KLF13: variants seen among roughly 807,000 people sequenced by gnomAD.
KLF13 encodes Krueppel-like factor 13.
KLF13 carries 8 observed loss-of-function variants against 16.7 expected under a neutral mutation model. The observed-to-expected ratio is 0.48, with a 90% confidence interval of 0.28 to 0.87. The LOEUF (loss-of-function observed/expected upper bound fraction) is 0.87. Ranked by LOEUF, KLF13 falls within the 40% of genes least tolerant of loss-of-function variation. The pLI is 0.10. For missense variants in KLF13, 447 were observed against 452.2 expected, an observed-to-expected ratio of 0.99 and a Z score of 0.10; for synonymous variants, 245 against 208.4, an observed-to-expected ratio of 1.18 and a Z score of -1.51.
At chr15:31,384,427 C>T (rs1389353066) in intron 1 of KLF13, among the ~76,000 whole-genome samples, 4 of 152,182 alleles carry the variant, frequency 2.6e-5, no homozygotes, top group Non-Finnish European at 5.9e-5. Context: ...GAGGCTCCTT[C>T]TCAAAAACAT....
chr15:31,384,676 G>A (rs976043577), intron 1 of KLF13, among the ~76,000 whole-genome samples: 6 of 152,140 alleles, frequency 3.9e-5, no homozygotes, highest in African/African-American at 7.2e-5. Context: ...ATTCATGAGC[G>A]TACTTTTGGA....
chr15:31,335,475 GTATGGTGGC>G (rs2038915387), intron 1 of KLF13, among the ~76,000 whole-genome samples: 1 of 22,742 alleles, frequency 4.4e-5, no homozygotes, highest in East Asian at 1.9e-3. Context: ...GTGTGTGTGT[GTATGGTGGC>G]GGGGCAGGGG....
chr15:31,327,363 G>C lies in KLF13; in HGVS notation c.151G>C (p.Glu51Gln), dbSNP rs2038730199. The change falls in exon 1 of 2, where the codon GAG becomes CAG. Residue 51 changes from glutamate (E) to glutamine (Q), a missense_variant. Physicochemically the swap from Glu to Gln is conservative, Grantham distance 29 (BLOSUM62 2). Coordinates refer to ENST00000307145, the MANE Select transcript of KLF13 (RefSeq NM_015995.4). ...AATPTLPRVE[E>Q]RRDGKDSASL... Reference sequence around the variant, plus strand: ...CACCCCCACGCTGCCCCGCGTCGAGGAGCGCCGCGACGGTAAGGACAGCGC... The same window carrying C: ...CACCCCCACGCTGCCCCGCGTCGAGCAGCGCCGCGACGGTAAGGACAGCGC... 2.3e-6 allele frequency: 3 copies of C among 1,285,456 alleles called. No individual in the cohort carries two copies. Among genetic ancestry groups the C allele is most frequent in the African/African-American group, 1.6e-5 (1 of 63,708 alleles). The allele number at this position is 1,285,456 out of a possible 1,614,324, so 79.6% of individuals were successfully genotyped here.
chr15:31,338,424 A>G (rs1323273233), intron 1 of KLF13, among the ~76,000 whole-genome samples: 4 of 152,224 alleles, frequency 2.6e-5, no homozygotes, highest in Non-Finnish European at 5.9e-5. Context: ...CAATCGTTCC[A>G]CTGGAAGTAA....
chr15:31,416,387 A>C (rs2040258223), intron 1 of KLF13, among the ~76,000 whole-genome samples: 1 of 152,190 alleles, frequency 6.6e-6, no homozygotes. Flanking sequence ...AGATATAAAA[A>C]ATTCTAAACA....
chr15:31,343,100 A>T (rs1333100195), intron 1 of KLF13, among the ~76,000 whole-genome samples: 1 of 152,218 alleles, frequency 6.6e-6, no homozygotes, highest in Non-Finnish European at 1.5e-5. Context: ...GCCGAGGCAC[A>T]TACTGTCTCC....
chr15:31,374,167 C>T lies in KLF13; in HGVS notation c.*1868C>T, dbSNP rs1413342199. 6.5e-6 allele frequency: 1 copy of T among 152,706 alleles called. No homozygotes were observed. Among genetic ancestry groups the T allele is most frequent in the East Asian group, 1.9e-4 (1 of 5,200 alleles). 9.5% of individuals were successfully genotyped at this position (152,706 alleles called of 1,614,324 possible). ...AGAGTGGACAGGTACGCTCTGTCCACAGCAGCTGCTCAGGCACAGTATGCC... is the reference window on the plus strand; with the variant it reads ...AGAGTGGACAGGTACGCTCTGTCCATAGCAGCTGCTCAGGCACAGTATGCC... On this transcript the variant is annotated 3_prime_UTR_variant, in exon 2 of 2. Transcript: ENST00000307145.
chr15:31,381,880 C>T (rs115521845), downstream of KLF13, among the ~76,000 whole-genome samples: 636 of 152,334 alleles, frequency 4.2e-3, 7 homozygotes, highest in African/African-American at 0.014. Flanking sequence ...CCTGCTGCTG[C>T]CTGCACAGCC....
At chr15:31,370,932 G>C (rs1052231895) in intron 1 of KLF13, among the ~76,000 whole-genome samples, 2 of 152,002 alleles carry the variant, frequency 1.3e-5, no homozygotes, top group African/African-American at 4.8e-5. Flanking sequence ...GCCATCCCTG[G>C]GTATCTGCTT....
intron 1 of KLF13, among the ~76,000 whole-genome samples, chr15:31,350,051 T>G (rs1362249370): frequency 2.6e-5 from 4 of 152,266 alleles, no homozygotes; most frequent in Non-Finnish European, 5.9e-5. Context: ...TGAGATGATG[T>G]GCTTTTCTCC....
chr15:31,357,638 G>A (rs2039320403), intron 1 of KLF13, among the ~76,000 whole-genome samples: 1 of 152,198 alleles, frequency 6.6e-6, no homozygotes, highest in African/African-American at 2.4e-5. Context: ...GCCCTACTCT[G>A]AGCTGGGTCT....
chr15:31,336,307 A>G (rs920531221), intron 1 of KLF13, among the ~76,000 whole-genome samples: 7 of 152,192 alleles, frequency 4.6e-5, no homozygotes, highest in Admixed American at 3.9e-4. Flanking sequence ...CCCAAGACCT[A>G]TGGCCACTGG....
chr15:31,348,380 G>A (rs1209614409), intron 1 of KLF13, among the ~76,000 whole-genome samples: 2 of 152,168 alleles, frequency 1.3e-5, no homozygotes, highest in Non-Finnish European at 2.9e-5. Flanking sequence ...AGGCACACAC[G>A]CACGCCGCAC....
downstream of KLF13, among the ~76,000 whole-genome samples, chr15:31,381,520 C>T (rs1309315383): frequency 1.3e-5 from 2 of 152,126 alleles, no homozygotes; most frequent in East Asian, 1.9e-4. Flanking sequence ...TCAGGCTGCC[C>T]CCAACCCTGA....
At chr15:31,434,489 G>A (rs2040507070) in intron 1 of KLF13, among the ~76,000 whole-genome samples, 1 of 152,126 alleles carries the variant, frequency 6.6e-6, no homozygotes, top group Non-Finnish European at 1.5e-5. Flanking sequence ...GTTGGGGTGT[G>A]GAAAGGCTTG....
Position 31,372,432 on chromosome 15 carries a change from A to C in KLF13, c.*133A>C. ...CAATTTTTTTCACCTCAGGTGTCAA[A>C]GTAAATTTGTTAAAAAAACAAAAAA... On this transcript the variant is annotated 3_prime_UTR_variant, in exon 2 of 2. Coordinates refer to ENST00000307145, the MANE Select transcript of KLF13 (RefSeq NM_015995.4). 1 of 1,044,120 alleles carries C rather than the reference A, an allele frequency of 9.6e-7. No homozygotes were observed. The highest frequency in any genetic ancestry group is 1.3e-6 in the Non-Finnish European group (1 of 780,584). 64.7% of individuals were successfully genotyped at this position (1,044,120 alleles called of 1,614,324 possible).
At chr15:31,369,446 T>A (rs1257828026) in intron 1 of KLF13, among the ~76,000 whole-genome samples, 2 of 152,272 alleles carry the variant, frequency 1.3e-5, no homozygotes, top group Non-Finnish European at 2.9e-5. Flanking sequence ...CTCGGAGCTC[T>A]TGACCCATAA....
In KLF13 at chr15:31,331,851, T is replaced by C. The variant is rs2140930245; in HGVS notation, c.577+4062T>C. Among the ~76,000 whole-genome samples the C allele has an allele frequency of 2.0e-5, 3 of 152,372 alleles. 1 individual carries two copies. The South Asian group carries it at 6.2e-4, about 32-fold the overall frequency. On this transcript the variant is annotated intron_variant, in intron 1 of 1. Coordinates refer to ENST00000307145, the MANE Select transcript of KLF13 (RefSeq NM_015995.4). ...AGATGGATTTGCACATATGCATATG[T>C]GTGTGTCCACGTAGACATTTTGAAA... is the stretch of plus-strand genomic sequence containing the variant.
intron 1 of KLF13, among the ~76,000 whole-genome samples, chr15:31,352,281 T>C (rs748738831): frequency 2.0e-5 from 3 of 152,176 alleles, no homozygotes; most frequent in Non-Finnish European, 4.4e-5. Context: ...AAAGGTGAGA[T>C]TGTCTCACAG....
Sources: gnomAD v4.1 joint callset for allele counts (sites outside exome capture counted in the v4.1 genomes callset) on GRCh38, gnomAD v4.1.1 for gene constraint, MANE v1.5 for transcripts, NCBI Gene and HGNC (gene_info 2026-07-23, HGNC 2026-07-21) for gene names.